KCNG4: variants seen among roughly 807,000 people sequenced by gnomAD.
KCNG4 encodes voltage-gated potassium channel regulatory subunit KCNG4.
Under a neutral mutation model 28.2 loss-of-function variants are expected in KCNG4, and 30 were observed. The ratio of observed to expected loss-of-function variants is 1.06; its 90% CI spans 0.80 to 1.44. The LOEUF is 1.44. Ranked by LOEUF, KCNG4 falls within the 40% of genes most tolerant of loss-of-function variation. The pLI, the probability that KCNG4 is intolerant of heterozygous loss-of-function variation, is 0.00. For synonymous variants in KCNG4, 375 were observed against 315.5 expected, an observed-to-expected ratio of 1.19 and a Z score of -2.00; for missense variants, 879 against 712.3, an observed-to-expected ratio of 1.23 and a Z score of -2.66.
At position 84,222,544 on chromosome 16, in the gene KCNG4, C is replaced by T; in HGVS notation, c.1233G>A (p.Trp411Ter). The change falls in exon 3 of 3, where the codon TGG (tryptophan) becomes TGA (stop). Residue 411 changes from tryptophan (W) to a stop codon, truncating the protein, a stop_gained. Transcript: ENST00000308251. LOFTEE classifies it high-confidence loss of function. The stretch of plus-strand genomic sequence containing the variant: ...CCACCGTTGTCATGGAGATGATGGC[C>T]CACCAATAGGAGGCGGGGATGCTGG... ...EFTSIPASYW[W>*]AIISMTTVGY... 1 of 1,613,592 alleles carries T rather than the reference C, an allele frequency of 6.2e-7. No homozygotes were observed. The highest frequency in any genetic ancestry group is 8.5e-7 in the Non-Finnish European group (1 of 1,179,984).
In KCNG4 at chr16:84,236,898, G is replaced by T. The variant is rs1232409165; in HGVS notation, c.588C>A (p.His196Gln). The change falls in exon 2 of 3, where the codon CAC becomes CAA. Residue 196 changes from histidine to glutamine, a missense_variant. His to Gln is a conservative substitution (Grantham distance 24, BLOSUM62 0). Transcript: ENST00000308251. ...TCATGCACAGGCCCCAGCGCGAGGAGTGCGAGGCGGGGCGGCGGGTCTCCC... is the reference window on the plus strand; with the variant it reads ...TCATGCACAGGCCCCAGCGCGAGGATTGCGAGGCGGGGCGGCGGGTCTCCC... ...QQRETRRPAS[H>Q]SSRWGLCMNR... 1.9e-6 allele frequency: 3 copies of T among 1,613,512 alleles called. No homozygotes were observed. Among genetic ancestry groups the T allele is most frequent in the Non-Finnish European group, 2.5e-6 (3 of 1,179,996 alleles).
intron 1 of KCNG4, among the ~76,000 whole-genome samples, 191 bp downstream of exon 1, chr16:84,239,479 C>T (rs1905050352): frequency 6.6e-6 from 1 of 152,236 alleles, no homozygotes; most frequent in African/African-American, 2.4e-5. Flanking sequence ...GCCCTTTCTG[C>T]ATTCACTGAA....
At chr16:84,229,385 G>C (rs1489669488) in intron 2 of KCNG4, among the ~76,000 whole-genome samples, 2 of 152,350 alleles carry the variant, frequency 1.3e-5, no homozygotes, top group East Asian at 3.9e-4. Context: ...TTGAGACCCA[G>C]TTTTCTGATC....
In KCNG4 at chr16:84,219,739, A is replaced by G. The variant is rs1387038752; in HGVS notation, c.*2478T>C. 1 of 133,374 alleles carries G rather than the reference A, an allele frequency of 7.5e-6. No individual in the cohort carries two copies. The highest frequency in any genetic ancestry group is 1.6e-5 in the Non-Finnish European group (1 of 62,406). 8.3% of individuals were successfully genotyped at this position (133,374 alleles called of 1,614,324 possible). A position where few individuals can be genotyped will look rare whatever the true frequency, so the allele number is the denominator to read the frequency against. On this transcript the variant is annotated 3_prime_UTR_variant, in exon 3 of 3. Coordinates refer to ENST00000308251, the MANE Select transcript of KCNG4 (RefSeq NM_172347.3). ...GAGACTCTGTCTCAAAAAAAAAAAAAAAAAAAATGTTAGTCTGGGCCGGGT... is the reference window on the plus strand; with the variant it reads ...GAGACTCTGTCTCAAAAAAAAAAAAGAAAAAAATGTTAGTCTGGGCCGGGT...
At chr16:84,228,290 C>T (rs1904742041) in intron 2 of KCNG4, among the ~76,000 whole-genome samples, 1 of 152,336 alleles carries the variant, frequency 6.6e-6, no homozygotes, top group South Asian at 2.1e-4. Context: ...CACTTCAGAA[C>T]GTGGCCACCT....
chr16:84,234,093 C>T (rs983496364), intron 2 of KCNG4, among the ~76,000 whole-genome samples: 8 of 152,152 alleles, frequency 5.3e-5, no homozygotes, highest in East Asian at 3.8e-4. Context: ...CTGGGAAATC[C>T]GGAACTTTAA....
chr16:84,237,336 C>T lies in KCNG4; in HGVS notation c.150G>A (p.Leu50=), dbSNP rs769567420. The T allele has an allele frequency of 1.3e-6, 2 of 1,577,782 alleles. No individual in the cohort carries two copies. The highest frequency in any genetic ancestry group is 4.5e-5 in the East Asian group (2 of 44,552). The change falls in exon 2 of 3, where the codon CTG becomes CTA. Residue 50 remains leucine (L), a synonymous_variant. Transcript: ENST00000308251. ...TCTTCAGGTCCACTGGGGAGGCGTC[C>T]AGGGCACCCACCTTCCGCACCCTCC... ...YYRRVRKVGA[L]DASPVDLKKE...
Position 84,236,962 on chromosome 16 carries a change from A to G in KCNG4, c.524T>C (p.Leu175Pro). The G allele has an allele frequency of 6.2e-7, 1 of 1,613,176 alleles. No homozygotes were observed. Among genetic ancestry groups the G allele is most frequent in the Non-Finnish European group, 8.5e-7 (1 of 1,179,650 alleles). ...TACGTCCTCCCTGTGCAGCTTGGCC[A>G]GCTCCTCCAGCTCCTCCAGCTTCCT... The part of the protein sequence containing the change: ...LLRKLEELEE[L>P]AKLHREDVLR... The change falls in exon 2 of 3, where the codon CTG becomes CCG. Residue 175 changes from leucine to proline, a missense_variant. Physicochemically the swap from Leu to Pro is moderately conservative, Grantham distance 98 (BLOSUM62 -3). Coordinates refer to ENST00000308251, the MANE Select transcript of KCNG4 (RefSeq NM_172347.3).
At chr16:84,223,311 C>T (rs1490169450) in intron 2 of KCNG4, among the ~76,000 whole-genome samples, 1 of 152,172 alleles carries the variant, frequency 6.6e-6, no homozygotes, top group Non-Finnish European at 1.5e-5. Context: ...CTCTTGCACA[C>T]TCTTTCCATC....
chr16:84,221,975 G>A lies in KCNG4; in HGVS notation c.*242C>T. 2 of 548,162 alleles carry A rather than the reference G, an allele frequency of 3.6e-6. No individual in the cohort carries two copies. Among genetic ancestry groups the A allele is most frequent in the South Asian group, 2.2e-5 (1 of 44,714 alleles). 34.0% of individuals were successfully genotyped at this position (548,162 alleles called of 1,614,324 possible). A position where few individuals can be genotyped will look rare whatever the true frequency, so the allele number is the denominator to read the frequency against. ...GAGCTACTCCAGCAAGATTGGACAT[G>A]CTCAGTAGATGGGCAGAGAGAGGAA... On this transcript the variant is annotated 3_prime_UTR_variant, in exon 3 of 3. Transcript: ENST00000308251.
intron 2 of KCNG4, among the ~76,000 whole-genome samples, chr16:84,234,148 C>T (rs1454698683): frequency 5.3e-5 from 8 of 152,122 alleles, no homozygotes; most frequent in Admixed American, 5.2e-4. Flanking sequence ...CTTGGTCCTT[C>T]CTGTCTACAC....
In KCNG4 at chr16:84,222,869, A is replaced by G. The variant is rs757239811; in HGVS notation, c.908T>C (p.Ile303Thr). ...GPLNIIDILAISPYYVSLAVS... is the reference protein window; with the variant it reads ...GPLNIIDILATSPYYVSLAVS... ...CGCCAGCGACACGTAGTATGGGGAG[A>G]TGGCCAGGATGTCGATGATGTTCAG... Residue 303 changes from isoleucine to threonine, a missense_variant, in exon 3 of 3, where the codon ATC becomes ACC. Ile to Thr is a moderately conservative substitution (Grantham distance 89). Transcript: ENST00000308251. 6.2e-7 allele frequency: 1 copy of G among 1,612,238 alleles called. No homozygotes were observed. The highest frequency in any genetic ancestry group is 8.5e-7 in the Non-Finnish European group (1 of 1,178,686).
chr16:84,234,562 A>G (rs940514625), intron 2 of KCNG4, among the ~76,000 whole-genome samples: 1 of 152,208 alleles, frequency 6.6e-6, no homozygotes, highest in East Asian at 1.9e-4. Flanking sequence ...GAGAAGGTAG[A>G]AAAACAGAAA....
At chr16:84,234,397 T>G (rs1469226743) in intron 2 of KCNG4, among the ~76,000 whole-genome samples, 1 of 151,924 alleles carries the variant, frequency 6.6e-6, no homozygotes, top group African/African-American at 2.4e-5. Flanking sequence ...CAGGCTGATC[T>G]CAAACTCCTG....
rs369643936 is a variant in KCNG4, at chr16:84,222,732, G to T, written c.1045C>A (p.Arg349Ser). Residue 349 changes from arginine (R) to serine (S), a missense_variant, in exon 3 of 3, where the codon CGC becomes AGC. Transcript: ENST00000308251. ...LRALRILYVMRLARHSLGLQT... is the reference protein window; with the variant it reads ...LRALRILYVMSLARHSLGLQT... ...AGCCCCAGCGAGTGGCGAGCCAGGC[G>T]CATCACGTAGAGGATGCGCAGCGCT... is the stretch of plus-strand genomic sequence containing the variant. 2.5e-6 allele frequency: 4 copies of T among 1,612,718 alleles called. No individual in the cohort carries two copies. The highest frequency in any genetic ancestry group is 2.2e-5 in the East Asian group (1 of 44,832).
In KCNG4 at chr16:84,226,564, T is replaced by C. The variant is rs1437381941; in HGVS notation, c.757-3544A>G. ...TAAGTGATCTGAGGTGGAGAGGGGA[T>C]GGAAAGAGAGGAAACAAGAATGGCA... On this transcript the variant is annotated intron_variant, in intron 2 of 2. Coordinates refer to ENST00000308251, the MANE Select transcript of KCNG4 (RefSeq NM_172347.3). The surrounding 1 kb of genome is among the most constrained non-coding windows in gnomAD (Gnocchi z 4.1). Among the ~76,000 whole-genome samples the C allele has an allele frequency of 6.6e-6, 1 of 151,794 alleles. No individual in the cohort carries two copies. The highest frequency in any genetic ancestry group is 1.5e-5 in the Non-Finnish European group (1 of 67,914).
In KCNG4 at chr16:84,222,935, A is replaced by G; in HGVS notation, c.842T>C (p.Phe281Ser). 6.3e-7 allele frequency: 1 copy of G among 1,596,372 alleles called. No homozygotes were observed. Among genetic ancestry groups the G allele is most frequent in the Non-Finnish European group, 8.5e-7 (1 of 1,170,316 alleles). Residue 281 changes from phenylalanine (F) to serine (S), a missense_variant, in exon 3 of 3, where the codon TTT becomes TCT. Transcript: ENST00000308251. ...CTGACACTTGTCTTGGGCCTGGACA[A>G]ACCGCAGGCAGAACTCCAGGGAGAA... is the stretch of plus-strand genomic sequence containing the variant. The part of the protein sequence containing the change: ...AWFSLEFCLR[F>S]VQAQDKCQFF...
chr16:84,234,985 A>G (rs1904913048), intron 2 of KCNG4, among the ~76,000 whole-genome samples: 1 of 152,188 alleles, frequency 6.6e-6, no homozygotes, highest in Non-Finnish European at 1.5e-5. Context: ...AGATGCTTTC[A>G]CTAAGGAGAA....
intron 2 of KCNG4, among the ~76,000 whole-genome samples, chr16:84,231,689 C>T (rs1294331088): frequency 6.6e-6 from 1 of 152,124 alleles, no homozygotes; most frequent in Non-Finnish European, 1.5e-5. Flanking sequence ...GTGACCTGCC[C>T]TGGATCTCCC....
Sources: gnomAD v4.1 joint callset for allele counts (sites outside exome capture counted in the v4.1 genomes callset) on GRCh38, gnomAD v4.1.1 for gene constraint, Gnocchi (gnomAD v3.1) non-coding constraint, MANE v1.5 for transcripts, NCBI Gene and HGNC (gene_info 2026-07-23, HGNC 2026-07-21) for gene names.